Variants in TENM2 observed in about 807,000 individuals in gnomAD.
The protein encoded by TENM2 is teneurin transmembrane protein 2.
A neutral mutation model predicts 245.2 loss-of-function variants in TENM2; 52 were observed. The observed-to-expected ratio is 0.21, with a 90% confidence interval of 0.17 to 0.27. The LOEUF is 0.27. Ranked by LOEUF, TENM2 falls within the 10% of genes least tolerant of loss-of-function variation. The probability of loss-of-function intolerance (pLI) is 1.00; values close to 1 mark genes in which losing one functional copy is unlikely to be tolerated. For synonymous variants in TENM2, 1,363 were observed against 1,438.9 expected, an observed-to-expected ratio of 0.95 and a Z score of 1.19; for missense variants, 3,046 against 3,666.8, an observed-to-expected ratio of 0.83 and a Z score of 4.37.
chr5:167,017,047 T>C, the TENM2 span, among the ~76,000 whole-genome samples: 1 of 152,220 alleles, frequency 6.6e-6, no homozygotes, highest in Admixed American at 6.5e-5. Context: ...AGCTCATTCC[T>C]GAAGTTGGAG....
intron 4 of TENM2, among the ~76,000 whole-genome samples, chr5:167,989,361 A>G (rs900785108): frequency 3.3e-5 from 5 of 151,970 alleles, no homozygotes; most frequent in Non-Finnish European, 5.9e-5. Context: ...TTCCCCAGGT[A>G]GGTGGTTGGA....
intron 2 of TENM2, among the ~76,000 whole-genome samples, chr5:167,509,442 C>T (rs573280297): frequency 1.4e-4 from 21 of 152,268 alleles, no homozygotes; most frequent in African/African-American, 4.8e-4. Context: ...TGCGTTTGCT[C>T]TACAGATTTA....
chr5:167,244,321 A>G, the TENM2 span, among the ~76,000 whole-genome samples: 1 of 152,200 alleles, frequency 6.6e-6, no homozygotes, highest in African/African-American at 2.4e-5. Flanking sequence ...CAATGTTTCT[A>G]TGTAATTTAC....
At chr5:166,981,995 T>C in the TENM2 span, among the ~76,000 whole-genome samples, 2 of 152,206 alleles carry the variant, frequency 1.3e-5, no homozygotes, top group East Asian at 1.9e-4. Flanking sequence ...TTAAGTTTGT[T>C]AATTAAATCT....
chr5:167,258,198 CATAT>C, the TENM2 span, among the ~76,000 whole-genome samples: 6 of 141,868 alleles, frequency 4.2e-5, no homozygotes, highest in African/African-American at 1.3e-4. Context: ...AATGTGTTGC[CATAT>C]ATATATATAT....
At chr5:167,910,777 A>T (rs1776483047) in intron 3 of TENM2, among the ~76,000 whole-genome samples, 1 of 152,232 alleles carries the variant, frequency 6.6e-6, no homozygotes, top group African/African-American at 2.4e-5. Context: ...GAATAAAAAA[A>T]TTCCTAATCT....
intron 3 of TENM2, among the ~76,000 whole-genome samples, chr5:167,918,755 G>C (rs1777134784): frequency 6.6e-6 from 1 of 150,868 alleles, no homozygotes. Flanking sequence ...CAGTTCGTTT[G>C]GGATTGGATA....
chr5:168,255,534 G>A (rs1032597905), intron 27 of TENM2, among the ~76,000 whole-genome samples: 1 of 151,876 alleles, frequency 6.6e-6, no homozygotes, highest in African/African-American at 2.4e-5. Flanking sequence ...TCGAACTCCT[G>A]ACCTCAGGTG....
intron 4 of TENM2, among the ~76,000 whole-genome samples, chr5:167,969,853 C>T (rs1781645476): frequency 6.6e-6 from 1 of 152,242 alleles, no homozygotes; most frequent in Admixed American, 6.5e-5. Context: ...AGCCTCAAGC[C>T]TGGAGTCTTG....
At chr5:167,777,172 T>C (rs1241560054) in intron 2 of TENM2, among the ~76,000 whole-genome samples, 1 of 152,216 alleles carries the variant, frequency 6.6e-6, no homozygotes. Context: ...GAGTGTGAGC[T>C]AATCTAAGTC....
At chr5:167,965,276 T>A (rs559944535) in intron 4 of TENM2, 116 of 152,318 alleles carry the variant, frequency 7.6e-4, no homozygotes, top group African/African-American at 2.7e-3. Context: ...CATGTTACAT[T>A]TATGAGGCAA....
the TENM2 span, among the ~76,000 whole-genome samples, chr5:166,998,544 C>A: frequency 6.6e-6 from 1 of 151,988 alleles, no homozygotes; most frequent in Non-Finnish European, 1.5e-5. Context: ...TATAGTAATA[C>A]AACCAGCACA....
chr5:167,043,373 TG>T, the TENM2 span, among the ~76,000 whole-genome samples: 1 of 152,216 alleles, frequency 6.6e-6, no homozygotes, highest in Non-Finnish European at 1.5e-5. Context: ...AAGAAAGGAA[TG>T]TTTATTTCTG....
the TENM2 span, among the ~76,000 whole-genome samples, chr5:166,998,354 A>G: frequency 4.7e-4 from 72 of 152,308 alleles, no homozygotes; most frequent in African/African-American, 1.7e-3. Flanking sequence ...GAGGATTTTA[A>G]GCATAGGAAT....
chr5:168,209,520 G>C (rs1409336455), intron 19 of TENM2, among the ~76,000 whole-genome samples: 1 of 152,114 alleles, frequency 6.6e-6, no homozygotes, highest in Admixed American at 6.5e-5. Flanking sequence ...TAAACCAAAT[G>C]CACCCCAAGT....
intron 7 of TENM2, among the ~76,000 whole-genome samples, chr5:168,078,254 T>C (rs192580795): frequency 9.8e-5 from 15 of 152,290 alleles, no homozygotes; most frequent in Admixed American, 8.5e-4. Flanking sequence ...TCATATCCTT[T>C]GCCCACTTTT....
chr5:168,169,243 C>G (rs1758580133), intron 13 of TENM2, among the ~76,000 whole-genome samples: 1 of 152,188 alleles, frequency 6.6e-6, no homozygotes. Context: ...TGATCAGTAA[C>G]CCGTGGTAGA....
intron 2 of TENM2, chr5:167,660,068 G>A (rs79055100): frequency 4.6e-5 from 7 of 152,112 alleles, no homozygotes; most frequent in South Asian, 2.1e-4. Flanking sequence ...CATGCTTTAC[G>A]GTGCTTTTCT....
At chr5:167,388,679 C>A (rs1356213336) in intron 2 of TENM2, among the ~76,000 whole-genome samples, 1 of 151,856 alleles carries the variant, frequency 6.6e-6, no homozygotes, top group Non-Finnish European at 1.5e-5. Flanking sequence ...TTTGCTGTGT[C>A]CCAGAGGTTT....
Sources: gnomAD v4.1 joint callset for allele counts (sites outside exome capture counted in the v4.1 genomes callset) on GRCh38, gnomAD v4.1.1 for gene constraint, MANE v1.5 for transcripts, NCBI Gene and HGNC (gene_info 2026-07-23, HGNC 2026-07-21) for gene names.